Variants in GRM5 observed in about 807,000 individuals in gnomAD.
GRM5 encodes the protein glutamate metabotropic receptor 5.
Under a neutral mutation model 83.1 loss-of-function variants are expected in GRM5, and 19 were observed. The observed-to-expected ratio is 0.23, with a 90% CI of 0.16 to 0.34. The LOEUF (loss-of-function observed/expected upper bound fraction) is 0.34. GRM5 is among the 10% of genes least tolerant of loss of function. The pLI is 1.00. For missense variants in GRM5, 1,160 were observed against 1,588.3 expected (o/e 0.73, Z 4.58); for synonymous variants, 675 against 633.6 (o/e 1.07, Z -0.98).
chr11:89,043,885 A>G (rs1280788419), intron 2 of GRM5, among the ~76,000 whole-genome samples: 4 of 152,290 alleles, frequency 2.6e-5, no homozygotes, highest in African/African-American at 9.6e-5. Context: ...TCACAGGGTG[A>G]CAATAGGGTT....
At chr11:88,844,570 A>G (rs1440752273) in intron 3 of GRM5, among the ~76,000 whole-genome samples, 2 of 152,196 alleles carry the variant, frequency 1.3e-5, no homozygotes, top group Non-Finnish European at 2.9e-5. Context: ...ATGTCTTATT[A>G]TTTCTAAAAT....
At chr11:89,001,412 A>C (rs960999353) in intron 2 of GRM5, among the ~76,000 whole-genome samples, 4 of 152,104 alleles carry the variant, frequency 2.6e-5, no homozygotes, top group African/African-American at 9.7e-5. Flanking sequence ...AACCTATATA[A>C]ATCACCAGAG....
intron 2 of GRM5, among the ~76,000 whole-genome samples, chr11:88,910,293 G>A (rs1373494041): frequency 6.6e-6 from 1 of 152,002 alleles, no homozygotes; most frequent in Non-Finnish European, 1.5e-5. Flanking sequence ...GAATATACAG[G>A]ACAACATTTT....
At chr11:88,736,700 G>A (rs1055932429) in intron 3 of GRM5, among the ~76,000 whole-genome samples, 1 of 151,962 alleles carries the variant, frequency 6.6e-6, no homozygotes, top group African/African-American at 2.4e-5. Flanking sequence ...GAATTGAAGG[G>A]GATTCTGGAT....
intron 2 of GRM5, among the ~76,000 whole-genome samples, chr11:88,989,956 A>G (rs1241872507): frequency 6.6e-6 from 1 of 151,786 alleles, no homozygotes; most frequent in Non-Finnish European, 1.5e-5. Context: ...AAAGAACTAG[A>G]AAAGCAAGAG....
In GRM5 at chr11:88,510,320, C is replaced by T. The variant is rs1007315698; in HGVS notation, c.2727-816G>A. 7.9e-5 allele frequency among the ~76,000 whole-genome samples: 12 copies of T among 152,116 alleles called. No homozygotes were observed. In the East Asian group the frequency reaches 1.5e-3, roughly 20 times the overall value. On this transcript the variant is annotated intron_variant, in intron 9 of 9. Transcript: ENST00000305447. ...AGGGACTGACAAGTTTTTTGAAGGC[C>T]TTTCTCTCTCTTTCTCCTTTGCACT...
intron 3 of GRM5, among the ~76,000 whole-genome samples, chr11:88,760,279 G>A (rs532982231): frequency 6.6e-6 from 1 of 152,116 alleles, no homozygotes; most frequent in Non-Finnish European, 1.5e-5. Flanking sequence ...TCAATGAATT[G>A]GGGAGTTGGT....
chr11:88,951,466 C>T (rs1226059219), intron 2 of GRM5, among the ~76,000 whole-genome samples: 1 of 152,198 alleles, frequency 6.6e-6, no homozygotes, highest in Non-Finnish European at 1.5e-5. Flanking sequence ...GCTGAACTCT[C>T]TATTTTGTGT....
intron 2 of GRM5, among the ~76,000 whole-genome samples, chr11:89,001,724 T>C (rs1166718529): frequency 6.6e-6 from 1 of 152,170 alleles, no homozygotes. Flanking sequence ...GACCTCTCTA[T>C]ATATTTCTCA....
chr11:88,720,593 G>GA (rs1030165480), intron 3 of GRM5, among the ~76,000 whole-genome samples: 2 of 151,840 alleles, frequency 1.3e-5, no homozygotes, highest in African/African-American at 2.4e-5. Context: ...ACTCAATGCA[G>GA]AAAAAAACAG....
At chr11:88,852,909 A>G (rs1241450904) in intron 2 of GRM5, among the ~76,000 whole-genome samples, 4 of 151,800 alleles carry the variant, frequency 2.6e-5, no homozygotes, top group Non-Finnish European at 5.9e-5. Context: ...AAATGCAGCA[A>G]AAAAAAGTCT....
chr11:88,771,002 C>T (rs1298003252), intron 3 of GRM5, among the ~76,000 whole-genome samples: 1 of 152,070 alleles, frequency 6.6e-6, no homozygotes, highest in Non-Finnish European at 1.5e-5. Flanking sequence ...ACATGTATCC[C>T]TTACTACATG....
intron 3 of GRM5, among the ~76,000 whole-genome samples, chr11:88,760,030 G>A (rs900117882): frequency 4.6e-5 from 7 of 151,800 alleles, no homozygotes; most frequent in Non-Finnish European, 1.0e-4. Context: ...GAAACTAATG[G>A]GAACAAAGAT....
chr11:88,551,549 G>A (rs1942508882), intron 8 of GRM5, among the ~76,000 whole-genome samples: 1 of 152,154 alleles, frequency 6.6e-6, no homozygotes, highest in Non-Finnish European at 1.5e-5. Context: ...GAGTAAGCAT[G>A]TGACAAGGCA....
At chr11:89,054,847 A>T (rs757531033) in intron 1 of GRM5, among the ~76,000 whole-genome samples, 6 of 152,266 alleles carry the variant, frequency 3.9e-5, no homozygotes, top group Non-Finnish European at 7.3e-5. Context: ...GGAAACATAT[A>T]CATTGACATT....
intron 2 of GRM5, among the ~76,000 whole-genome samples, chr11:88,964,679 C>G (rs889511324): frequency 6.6e-6 from 1 of 152,126 alleles, no homozygotes; most frequent in Non-Finnish European, 1.5e-5. Context: ...AGTGCTGTAA[C>G]TTGGCACATC....
chr11:89,022,238 C>T (rs185443758), intron 2 of GRM5, among the ~76,000 whole-genome samples: 3 of 152,170 alleles, frequency 2.0e-5, no homozygotes, highest in South Asian at 2.1e-4. Context: ...ACACACTAAC[C>T]GTAACTTCAA....
intron 3 of GRM5, among the ~76,000 whole-genome samples, chr11:88,735,449 A>T (rs1330459220): frequency 2.0e-5 from 3 of 152,030 alleles, no homozygotes; most frequent in African/African-American, 7.2e-5. Flanking sequence ...ATCTTTGCCA[A>T]CTTTCTCTCC....
At chr11:88,686,232 T>G (rs1373237261) in intron 3 of GRM5, among the ~76,000 whole-genome samples, 1 of 152,186 alleles carries the variant, frequency 6.6e-6, no homozygotes, top group East Asian at 1.9e-4. Flanking sequence ...TTTGAACCTT[T>G]AAAATTTGAC....
Sources: allele counts gnomAD v4.1 joint callset (sites outside exome capture counted in the v4.1 genomes callset), GRCh38; gene constraint gnomAD v4.1.1; transcripts MANE v1.5; gene names NCBI Gene and HGNC (gene_info 2026-07-23, HGNC 2026-07-21).